The following CARMIL2 variants were observed in gnomAD, a reference collection of about 807,000 sequenced individuals.
The protein encoded by CARMIL2 is capping protein regulator and myosin 1 linker 2.
A neutral mutation model predicts 173.3 loss-of-function variants in CARMIL2; 96 were observed. The ratio of observed to expected loss-of-function variants is 0.55; its 90% CI spans 0.47 to 0.66. CARMIL2 has a LOEUF of 0.66. Ranked by LOEUF, CARMIL2 falls within the 30% of genes least tolerant of loss-of-function variation. The pLI is 0.00. For missense variants in CARMIL2, 1,771 were observed against 1,906.7 expected (o/e 0.93, Z 1.33); for synonymous variants, 830 against 817.1 (o/e 1.02, Z -0.27).
rs1225540545 is a variant in CARMIL2, at chr16:67,645,977, G to A, written c.187-41G>A. 4 of 1,611,006 alleles carry A rather than the reference G, an allele frequency of 2.5e-6. No individual in the cohort carries two copies. In the South Asian group the frequency reaches 4.4e-5, roughly 18 times the overall value. On this transcript the variant is annotated intron_variant, in intron 3 of 37. Transcript: ENST00000334583. ...AAAGGACTGGACTTCCATGAGGGCG[G>A]GGCTGGGGGCTTGGTCCCAGCTGAT... is the stretch of plus-strand genomic sequence containing the variant.
rs752548336 is a variant in CARMIL2, at chr16:67,650,076, C to T, written c.2110C>T (p.Arg704Cys). ...CCAAGCCTGTCTCTTGAGGAACAAC[C>T]GCGCAGACCCTGCCTCTTCTGACCA... is the stretch of plus-strand genomic sequence containing the variant. ...QIQACLLRNN[R>C]ADPASSDHTT... is the part of the protein sequence containing the mutation. The change falls in exon 22 of 38, where the codon CGC becomes TGC. Residue 704 changes from arginine (R) to cysteine (C), a missense_variant. This residue lies in a region of CARMIL2 where 944 missense variants were observed against 975.6 expected (regional missense o/e 0.97). Coordinates refer to ENST00000334583, the MANE Select transcript of CARMIL2 (RefSeq NM_001013838.3). 11 of 1,613,706 alleles carry T rather than the reference C, an allele frequency of 6.8e-6. No homozygotes were observed. The highest frequency in any genetic ancestry group is 6.7e-5 in the Admixed American group (4 of 59,982).
Position 67,654,093 on chromosome 16 carries a change from G to GT in CARMIL2, c.3121-56_3121-55insT, listed in dbSNP as rs1296932754. The GT allele has an allele frequency of 1.9e-5, 20 of 1,068,994 alleles. No individual in the cohort carries two copies. In the African/African-American group the frequency reaches 2.8e-4, roughly 15 times the overall value. The allele number at this position is 1,068,994 out of a possible 1,614,324, so 66.2% of individuals were successfully genotyped here. On this transcript the variant is annotated intron_variant, in intron 29 of 37. Transcript: ENST00000334583. Reference sequence around the variant, plus strand: ...CAGGCTGCCGGCCGGGGGGGGGGGGGGGTAGAAGCCAGAGTTGCACTCAAC... The same window carrying GT: ...CAGGCTGCCGGCCGGGGGGGGGGGGGTGGTAGAAGCCAGAGTTGCACTCAAC...
chr16:67,654,087 G>C lies in CARMIL2; in HGVS notation c.3121-62G>C, dbSNP rs1042680536. The C allele has an allele frequency of 1.2e-4, 135 of 1,104,254 alleles. 4 individuals are homozygous for C. The highest frequency in any genetic ancestry group is 1.6e-4 in the South Asian group (10 of 63,956). 68.4% of individuals were successfully genotyped at this position (1,104,254 alleles called of 1,614,324 possible). On this transcript the variant is annotated intron_variant, in intron 29 of 37. Transcript: ENST00000334583. ...TCAGTCCAGGCTGCCGGCCGGGGGG[G>C]GGGGGGGGTAGAAGCCAGAGTTGCA...
chr16:67,651,588 T>C lies in CARMIL2; in HGVS notation c.2427+74T>C. 6.4e-7 allele frequency: 1 copy of C among 1,565,084 alleles called. No homozygotes were observed. The highest frequency in any genetic ancestry group is 8.7e-7 in the Non-Finnish European group (1 of 1,155,032). ...TCCCATCCTTTAGTTTTAACTGTGATATCCCCTGACTCAATATTCTGTTGG... is the reference window on the plus strand; with the variant it reads ...TCCCATCCTTTAGTTTTAACTGTGACATCCCCTGACTCAATATTCTGTTGG... On this transcript the variant is annotated intron_variant, in intron 24 of 37. Transcript: ENST00000334583. This position sits in a 1 kb window ranked among gnomAD's most constrained non-coding sequence, Gnocchi z 4.2.
In CARMIL2 at chr16:67,657,099, G is replaced by T; in HGVS notation, c.4118-140G>T. ...AAGAGCAGCCTCTGCCAGGGGTGAG[G>T]ACGCAGGGACGGGGGATGCTCTGAA... On this transcript the variant is annotated intron_variant, in intron 36 of 37. Coordinates refer to ENST00000334583, the MANE Select transcript of CARMIL2 (RefSeq NM_001013838.3). This position sits in a 1 kb window ranked among gnomAD's most constrained non-coding sequence, Gnocchi z 4.5. 1.2e-6 allele frequency: 1 copy of T among 837,462 alleles called. No homozygotes were observed. The highest frequency in any genetic ancestry group is 1.9e-6 in the Non-Finnish European group (1 of 521,136). 51.9% of individuals were successfully genotyped at this position (837,462 alleles called of 1,614,324 possible). A position where few individuals can be genotyped will look rare whatever the true frequency, so the allele number is the denominator to read the frequency against.
At chr16:67,645,852 C>A in intron 3 of CARMIL2, 75 bp downstream of exon 3, 1 of 1,582,290 alleles carries the variant, frequency 6.3e-7, no homozygotes, top group South Asian at 1.1e-5. Flanking sequence ...GCAGAGTGGT[C>A]CTTCTTGGCC....
Position 67,648,841 on chromosome 16 carries a change from C to T in CARMIL2, c.1510-52C>T. The T allele has an allele frequency of 6.4e-7, 1 of 1,572,930 alleles. No homozygotes were observed. The highest frequency in any genetic ancestry group is 8.6e-7 in the Non-Finnish European group (1 of 1,159,308). ...GGGCCGTGGGCCGCCTGCCCCTCCC[C>T]ACTCGCGGCCTAAGTGGGTCCCACT... is the stretch of plus-strand genomic sequence containing the variant. On this transcript the variant is annotated intron_variant, in intron 16 of 37. Coordinates refer to ENST00000334583, the MANE Select transcript of CARMIL2 (RefSeq NM_001013838.3). This position sits in a 1 kb window ranked among gnomAD's most constrained non-coding sequence, Gnocchi z 6.1.
In CARMIL2 at chr16:67,652,554, G is replaced by C; in HGVS notation, c.2884+16G>C. Reference sequence around the variant, plus strand: ...TTCATTCACAGTAAGTCAGGGCCTTGGGGGAGGGAGTTTACGTGGGTGGGC... The same window carrying C: ...TTCATTCACAGTAAGTCAGGGCCTTCGGGGAGGGAGTTTACGTGGGTGGGC... On this transcript the variant is annotated intron_variant, in intron 28 of 37. Transcript: ENST00000334583. The surrounding 1 kb of genome is among the most constrained non-coding windows in gnomAD (Gnocchi z 4.7). 6.2e-7 allele frequency: 1 copy of C among 1,612,280 alleles called. No individual in the cohort carries two copies. Among genetic ancestry groups the C allele is most frequent in the Non-Finnish European group, 8.5e-7 (1 of 1,179,050 alleles).
chr16:67,653,400 T>G lies in CARMIL2; in HGVS notation c.3120+146T>G, dbSNP rs1249922339. Reference sequence around the variant, plus strand: ...GTGCGGCCGCGGTCACATCCTGGCTTCTTCCTGACCACCCCCCACCCCAGG... The same window carrying G: ...GTGCGGCCGCGGTCACATCCTGGCTGCTTCCTGACCACCCCCCACCCCAGG... On this transcript the variant is annotated intron_variant, in intron 29 of 37. Coordinates refer to ENST00000334583, the MANE Select transcript of CARMIL2 (RefSeq NM_001013838.3). The surrounding 1 kb of genome is among the most constrained non-coding windows in gnomAD (Gnocchi z 7.4). 1 of 235,306 alleles carries G rather than the reference T, an allele frequency of 4.2e-6. No individual in the cohort carries two copies. Among genetic ancestry groups the G allele is most frequent in the Non-Finnish European group, 7.8e-6 (1 of 128,474 alleles). The allele number at this position is 235,306 out of a possible 1,614,324, so 14.6% of individuals were successfully genotyped here.
chr16:67,646,672 G>A lies in CARMIL2; in HGVS notation c.467-42G>A. 6.2e-7 allele frequency: 1 copy of A among 1,604,468 alleles called. No individual in the cohort carries two copies. On this transcript the variant is annotated intron_variant, in intron 6 of 37. Coordinates refer to ENST00000334583, the MANE Select transcript of CARMIL2 (RefSeq NM_001013838.3). The surrounding 1 kb of genome is among the most constrained non-coding windows in gnomAD (Gnocchi z 4.6). ...GGTCTTCCTCCATCGCTGATGTTTTGTCTCTCTCCTTTTCCACATCGCACC... is the reference window on the plus strand; with the variant it reads ...GGTCTTCCTCCATCGCTGATGTTTTATCTCTCTCCTTTTCCACATCGCACC...
Position 67,652,939 on chromosome 16 carries a change from G to T in CARMIL2, c.2885-80G>T. 1.7e-6 allele frequency: 1 copy of T among 584,180 alleles called. No homozygotes were observed. Among genetic ancestry groups the T allele is most frequent in the Non-Finnish European group, 2.4e-6 (1 of 422,558 alleles). 36.2% of individuals were successfully genotyped at this position (584,180 alleles called of 1,614,324 possible). A position where few individuals can be genotyped will look rare whatever the true frequency, so the allele number is the denominator to read the frequency against. Reference sequence around the variant, plus strand: ...CCGGGCCCCTCCCCGCGCCCTGGGCGGGTCCCCCGCCGCCCTAGCGCCTCC... The same window carrying T: ...CCGGGCCCCTCCCCGCGCCCTGGGCTGGTCCCCCGCCGCCCTAGCGCCTCC... On this transcript the variant is annotated intron_variant, in intron 28 of 37. Transcript: ENST00000334583. The surrounding 1 kb of genome is among the most constrained non-coding windows in gnomAD (Gnocchi z 4.7).
intron 32 of CARMIL2, among the ~76,000 whole-genome samples, chr16:67,655,400 A>C (rs2052822366): frequency 6.6e-6 from 1 of 152,236 alleles, no homozygotes; most frequent in Non-Finnish European, 1.5e-5. Context: ...ACTACACACT[A>C]GCCTGGACAA....
Position 67,649,948 on chromosome 16 carries a change from A to G in CARMIL2, c.2062A>G (p.Thr688Ala). The G allele has an allele frequency of 1.2e-6, 2 of 1,613,274 alleles. No individual in the cohort carries two copies. Among genetic ancestry groups the G allele is most frequent in the Non-Finnish European group, 1.7e-6 (2 of 1,179,776 alleles). ...GGCGCAGCGCAGCCGCCCGGAACTG[A>G]CAGCACGTGCAGTCCATCAGGTGGG... Reference protein sequence around the residue: ...AQAQRSRPELTARAVHQIQAC... With the variant: ...AQAQRSRPELAARAVHQIQAC... Residue 688 changes from threonine to alanine, a missense_variant, in exon 21 of 38, where the codon ACA becomes GCA. Coordinates refer to ENST00000334583, the MANE Select transcript of CARMIL2 (RefSeq NM_001013838.3). This position sits in a 1 kb window ranked among gnomAD's most constrained non-coding sequence, Gnocchi z 6.7.
intron 22 of CARMIL2, chr16:67,650,400 C>G (rs941076253): frequency 3.6e-6 from 2 of 558,776 alleles, no homozygotes; most frequent in Non-Finnish European, 6.4e-6. Flanking sequence ...TTTTTATGTC[C>G]TTCCTCAATT....
intron 1 of CARMIL2, 96 bp from the exon 2 acceptor site, chr16:67,645,444 G>A (rs535885581): frequency 3.6e-6 from 5 of 1,383,392 alleles, no homozygotes; most frequent in South Asian, 2.5e-5. Flanking sequence ...CTCGCTGGCC[G>A]CAGATAAGCC....
In CARMIL2 at chr16:67,654,445, G is replaced by C. The variant is rs2052795135; in HGVS notation, c.3335G>C (p.Gly1112Ala). The change falls in exon 31 of 38, where the codon GGT (glycine) becomes GCT (alanine). Residue 1112 changes from glycine (G) to alanine (A), a missense_variant. Coordinates refer to ENST00000334583, the MANE Select transcript of CARMIL2 (RefSeq NM_001013838.3). ...FAFKKPRSTR[G>A]PRTDLETSPG... ...TTCAAGAAGCCTCGTTCAACGCGGGGTCCACGGACTGATCTAGAGACCAGC... is the reference window on the plus strand; with the variant it reads ...TTCAAGAAGCCTCGTTCAACGCGGGCTCCACGGACTGATCTAGAGACCAGC... The C allele has an allele frequency of 1.9e-6, 3 of 1,612,852 alleles. No individual in the cohort carries two copies. The highest frequency in any genetic ancestry group is 1.7e-5 in the Admixed American group (1 of 59,902).
Position 67,651,804 on chromosome 16 carries a change from G to T in CARMIL2, c.2547G>T (p.Leu849=). ...CAGGCTCGAGGGGCCTCCCGGAGCT[G>T]CTCCCAGAGCAGCTGCTGCAAGATG... The part of the protein sequence containing the change: ...VLAGSRGLPE[L]LPEQLLQDAF... Residue 849 remains leucine (L), a synonymous_variant, in exon 25 of 38, where the codon CTG becomes CTT. Coordinates refer to ENST00000334583, the MANE Select transcript of CARMIL2 (RefSeq NM_001013838.3). The surrounding 1 kb of genome is among the most constrained non-coding windows in gnomAD (Gnocchi z 4.2). 1 of 1,611,208 alleles carries T rather than the reference G, an allele frequency of 6.2e-7. No homozygotes were observed. The highest frequency in any genetic ancestry group is 8.5e-7 in the Non-Finnish European group (1 of 1,179,228).
chr16:67,649,821 C>A lies in CARMIL2; in HGVS notation c.1935C>A (p.Asp645Glu). 6.2e-7 allele frequency: 1 copy of A among 1,612,044 alleles called. No homozygotes were observed. Reference sequence around the variant, plus strand: ...CCCGGCCCAGGTCTGTGGTCTGGGACCGGAACCACACATCTGCTTTGGGTC... The same window carrying A: ...CCCGGCCCAGGTCTGTGGTCTGGGAACGGAACCACACATCTGCTTTGGGTC... Reference protein sequence around the residue: ...VNSRLRSVVWDRNHTSALGLL... With the variant: ...VNSRLRSVVWERNHTSALGLL... Residue 645 changes from aspartate (D) to glutamate (E), a missense_variant, in exon 21 of 38, where the codon GAC becomes GAA. Asp to Glu is a conservative substitution (Grantham distance 45). Around this residue, in one of 3 missense-constraint regions of CARMIL2, gnomAD observed 944 missense variants for 975.6 expected, o/e 0.97. Transcript: ENST00000334583. This position sits in a 1 kb window ranked among gnomAD's most constrained non-coding sequence, Gnocchi z 6.7.
Position 67,646,882 on chromosome 16 carries a change from C to T in CARMIL2, c.538-18C>T, listed in dbSNP as rs751484447. 1 of 1,613,662 alleles carries T rather than the reference C, an allele frequency of 6.2e-7. No homozygotes were observed. The highest frequency in any genetic ancestry group is 1.3e-5 in the African/African-American group (1 of 74,946). On this transcript the variant is annotated intron_variant, in intron 7 of 37. Transcript: ENST00000334583. This position sits in a 1 kb window ranked among gnomAD's most constrained non-coding sequence, Gnocchi z 4.6. ...CTTGTGGCCCCAGGCGAACTGTAAG[C>T]ATCTCCTTCTCACCCAGGACGTGGA... is the stretch of plus-strand genomic sequence containing the variant.
Sources: allele counts gnomAD v4.1 joint callset (sites outside exome capture counted in the v4.1 genomes callset), GRCh38; gene constraint gnomAD v4.1.1; regional missense constraint gnomAD v4.1.1; non-coding constraint Gnocchi (gnomAD v3.1); transcripts MANE v1.5; gene names NCBI Gene and HGNC (gene_info 2026-07-23, HGNC 2026-07-21).